The following KBTBD8 variants were observed in gnomAD, a reference collection of about 807,000 sequenced individuals.
KBTBD8 encodes kelch repeat and BTB domain containing 8, also known as kelch repeat and BTB domain-containing protein 8.
A neutral mutation model predicts 53.5 loss-of-function variants in KBTBD8; 31 were observed. The ratio of observed to expected loss-of-function variants is 0.58; its 90% CI spans 0.44 to 0.78. KBTBD8 has a LOEUF of 0.78. Ranked by LOEUF, KBTBD8 falls within the 30% of genes least tolerant of loss-of-function variation. KBTBD8 has a pLI of 0.00. For missense variants in KBTBD8, 642 were observed against 735.8 expected, an observed-to-expected ratio of 0.87 and a Z score of 1.48; for synonymous variants, 250 against 247.3, an observed-to-expected ratio of 1.01 and a Z score of -0.10.
Position 66,998,377 on chromosome 3 carries a change from T to C in KBTBD8, c.16+6T>C. ...AGAAATGGCCGCGTCGGCAGGTGGGTCGTGTGGTGGCCAGGGCGGCGTGGA... is the reference window on the plus strand; with the variant it reads ...AGAAATGGCCGCGTCGGCAGGTGGGCCGTGTGGTGGCCAGGGCGGCGTGGA... On this transcript the variant is annotated splice_donor_region_variant and intron_variant, in intron 1 of 3. Coordinates refer to ENST00000417314, the MANE Select transcript of KBTBD8 (RefSeq NM_032505.3). 1 of 1,279,606 alleles carries C rather than the reference T, an allele frequency of 7.8e-7. No homozygotes were observed. The highest frequency in any genetic ancestry group is 4.2e-5 in the Admixed American group (1 of 23,592). The allele number at this position is 1,279,606 out of a possible 1,614,324, so 79.3% of individuals were successfully genotyped here.
rs753012158 is a variant in KBTBD8, at chr3:67,008,728, C to T, written c.*343C>T. On this transcript the variant is annotated 3_prime_UTR_variant, in exon 4 of 4. Coordinates refer to ENST00000417314, the MANE Select transcript of KBTBD8 (RefSeq NM_032505.3). ...CATTTAGGGTATTATTGGGTAAAGACGTCTAAACTTGTTTGATGTGACTTT... is the reference window on the plus strand; with the variant it reads ...CATTTAGGGTATTATTGGGTAAAGATGTCTAAACTTGTTTGATGTGACTTT... 13 of 205,680 alleles carry T rather than the reference C, an allele frequency of 6.3e-5. No homozygotes were observed. Among genetic ancestry groups the T allele is most frequent in the Admixed American group, 3.1e-4 (6 of 19,416 alleles). 12.7% of individuals were successfully genotyped at this position (205,680 alleles called of 1,614,324 possible).
At chr3:67,006,654 T>TA (rs770389333) in intron 3 of KBTBD8, among the ~76,000 whole-genome samples, 1 of 152,212 alleles carries the variant, frequency 6.6e-6, no homozygotes, top group East Asian at 1.9e-4. Flanking sequence ...GCATCACTGT[T>TA]ACGAAGTACG....
rs900861218 is a variant in KBTBD8, at chr3:66,998,867, G to A, written c.17-114G>A. ...GTCGTGCGTATATCCACAGACATTT[G>A]TATATATCTTGTAGGGGGAAAAAGC... On this transcript the variant is annotated intron_variant, in intron 1 of 3. Transcript: ENST00000417314. 8 of 797,930 alleles carry A rather than the reference G, an allele frequency of 1.0e-5. No individual in the cohort carries two copies. The African/African-American group carries it at 1.0e-4, about 10-fold the overall frequency. 49.4% of individuals were successfully genotyped at this position (797,930 alleles called of 1,614,324 possible). A position where few individuals can be genotyped will look rare whatever the true frequency, so the allele number is the denominator to read the frequency against.
chr3:67,007,905 C>CTTTT lies in KBTBD8; in HGVS notation c.1343-6_1343-3dup. Reference sequence around the variant, plus strand: ...ATAAAAATTTACATATTCTTGTTTTCTTTTTTTTTTTTTTAGGAGAATTTT... The same window carrying CTTTT: ...ATAAAAATTTACATATTCTTGTTTTCTTTTTTTTTTTTTTTTTTAGGAGAATTTT... On this transcript the variant is annotated splice_polypyrimidine_tract_variant and intron_variant, in intron 3 of 3. Coordinates refer to ENST00000417314, the MANE Select transcript of KBTBD8 (RefSeq NM_032505.3). 3 of 1,161,950 alleles carry CTTTT rather than the reference C, an allele frequency of 2.6e-6. No individual in the cohort carries two copies. Among genetic ancestry groups the CTTTT allele is most frequent in the South Asian group, 1.7e-5 (1 of 57,174 alleles). 72.0% of individuals were successfully genotyped at this position (1,161,950 alleles called of 1,614,324 possible).
At position 67,007,905 on chromosome 3, in the gene KBTBD8, CTT is replaced by C. The variant is rs548255775; in HGVS notation, c.1343-4_1343-3del. 7,054 of 1,133,660 alleles carry C rather than the reference CTT, an allele frequency of 6.2e-3. No homozygotes were observed. The highest frequency in any genetic ancestry group is 0.01 in the South Asian group (574 of 55,696). The allele number at this position is 1,133,660 out of a possible 1,614,324, so 70.2% of individuals were successfully genotyped here. On this transcript the variant is annotated splice_polypyrimidine_tract_variant and intron_variant, in intron 3 of 3. Transcript: ENST00000417314. ...ATAAAAATTTACATATTCTTGTTTT[CTT>C]TTTTTTTTTTTTAGGAGAATTTTTT... is the stretch of plus-strand genomic sequence containing the variant.
At position 67,003,616 on chromosome 3, in the gene KBTBD8, A is replaced by G; in HGVS notation, c.649A>G (p.Ile217Val). The G allele has an allele frequency of 3.1e-6, 5 of 1,614,142 alleles. No individual in the cohort carries two copies. Among genetic ancestry groups the G allele is most frequent in the South Asian group, 1.1e-5 (1 of 91,084 alleles). ...CCGAGAAGAGCATGTTTATGAAAGCATTATAAGGTGGTTTGAGCATGAACA... is the reference window on the plus strand; with the variant it reads ...CCGAGAAGAGCATGTTTATGAAAGCGTTATAAGGTGGTTTGAGCATGAACA... ...VDREEHVYES[I>V]IRWFEHEQNE... The change falls in exon 3 of 4, where the codon ATT (isoleucine) becomes GTT (valine). Residue 217 changes from isoleucine to valine, a missense_variant. Coordinates refer to ENST00000417314, the MANE Select transcript of KBTBD8 (RefSeq NM_032505.3).
At position 67,008,436 on chromosome 3, in the gene KBTBD8, GTCTTT is replaced by G. The variant is rs764209320; in HGVS notation, c.*52_*56del. The stretch of plus-strand genomic sequence containing the variant: ...CTGGCATCTCATTCTTAGGAAACTT[GTCTTT>G]GATACAAAAGAGTGCTGACAGTATT... On this transcript the variant is annotated 3_prime_UTR_variant, in exon 4 of 4. Coordinates refer to ENST00000417314, the MANE Select transcript of KBTBD8 (RefSeq NM_032505.3). The G allele has an allele frequency of 3.1e-6, 4 of 1,283,720 alleles. No homozygotes were observed. In the South Asian group the frequency reaches 5.4e-5, roughly 17 times the overall value. 79.5% of individuals were successfully genotyped at this position (1,283,720 alleles called of 1,614,324 possible).
chr3:67,007,919 T>A lies in KBTBD8; in HGVS notation c.1343-3T>A, dbSNP rs1283499570. 9.6e-6 allele frequency: 14 copies of A among 1,457,458 alleles called. No individual in the cohort carries two copies. Among genetic ancestry groups the A allele is most frequent in the South Asian group, 1.4e-5 (1 of 72,526 alleles). 90.3% of individuals were successfully genotyped at this position (1,457,458 alleles called of 1,614,324 possible). On this transcript the variant is annotated splice_region_variant and splice_polypyrimidine_tract_variant and intron_variant, in intron 3 of 3. Coordinates refer to ENST00000417314, the MANE Select transcript of KBTBD8 (RefSeq NM_032505.3). ...ATTCTTGTTTTCTTTTTTTTTTTTT[T>A]AGGAGAATTTTTTCTCTTCTATGAG...
chr3:67,003,542 C>T lies in KBTBD8; in HGVS notation c.575C>T (p.Thr192Ile). 1 of 1,613,964 alleles carries T rather than the reference C, an allele frequency of 6.2e-7. No individual in the cohort carries two copies. The highest frequency in any genetic ancestry group is 8.5e-7 in the Non-Finnish European group (1 of 1,179,922). Residue 192 changes from threonine (T) to isoleucine (I), a missense_variant, in exon 3 of 4, where the codon ACA becomes ATA. Thr to Ile is a moderately conservative substitution (Grantham distance 89). Coordinates refer to ENST00000417314, the MANE Select transcript of KBTBD8 (RefSeq NM_032505.3). The stretch of plus-strand genomic sequence containing the variant: ...AAAGAACAAGAGTTTCTCCAGTTGA[C>T]AAAAGACCAACTGATAAGTATACTA... Reference protein sequence around the residue: ...VTKEQEFLQLTKDQLISILDS... With the variant: ...VTKEQEFLQLIKDQLISILDS...
Position 66,998,370 on chromosome 3 carries a change from A to G in KBTBD8, c.15A>G (p.Ala5=). 1.8e-6 allele frequency: 2 copies of G among 1,118,320 alleles called. No individual in the cohort carries two copies. The highest frequency in any genetic ancestry group is 2.2e-6 in the Non-Finnish European group (2 of 901,008). 69.3% of individuals were successfully genotyped at this position (1,118,320 alleles called of 1,614,324 possible). ...CCCATCGAGAAATGGCCGCGTCGGC[A>G]GGTGGGTCGTGTGGTGGCCAGGGCG... is the stretch of plus-strand genomic sequence containing the variant. MAAS[A]DLSKSSPTPN... is the part of the protein sequence containing the mutation. Residue 5 remains alanine (A), a splice_region_variant and synonymous_variant, in exon 1 of 4, where the codon GCA becomes GCG. Transcript: ENST00000417314.
intron 3 of KBTBD8, among the ~76,000 whole-genome samples, chr3:67,006,366 A>G (rs1016387913): frequency 3.9e-5 from 6 of 152,234 alleles, no homozygotes; most frequent in African/African-American, 1.4e-4. Flanking sequence ...GTTATATTTT[A>G]TATAAGAGGA....
chr3:66,998,884 G>C (rs1701988659), intron 1 of KBTBD8, 97 bp from the exon 2 acceptor site: 1 of 915,732 alleles, frequency 1.1e-6, no homozygotes, highest in South Asian at 1.5e-5. Flanking sequence ...TCTTGTAGGG[G>C]GAAAAAGCCT....
In KBTBD8 at chr3:67,003,133, T is replaced by A. The variant is rs527798696; in HGVS notation, c.228-62T>A. On this transcript the variant is annotated intron_variant, in intron 2 of 3. Coordinates refer to ENST00000417314, the MANE Select transcript of KBTBD8 (RefSeq NM_032505.3). ...TTGTGGTAACTTTGTACTTTTAAAA[T>A]CTTGCCACAATAATTTTGATTTATA... 4.4e-5 allele frequency: 66 copies of A among 1,494,768 alleles called. No homozygotes were observed. The African/African-American group carries it at 7.8e-4, about 18-fold the overall frequency. 92.6% of individuals were successfully genotyped at this position (1,494,768 alleles called of 1,614,324 possible).
rs964393388 is a variant in KBTBD8, at chr3:67,009,548, T to G, written c.*1163T>G. The G allele has an allele frequency of 3.9e-5, 6 of 152,598 alleles. No individual in the cohort carries two copies. Among genetic ancestry groups the G allele is most frequent in the Non-Finnish European group, 5.9e-5 (4 of 68,000 alleles). 9.5% of individuals were successfully genotyped at this position (152,598 alleles called of 1,614,324 possible). ...AAACCTCATTTTTTTTTTCCATTTT[T>G]GCACTTAACAGTGATGAATACTTTT... is the stretch of plus-strand genomic sequence containing the variant. On this transcript the variant is annotated 3_prime_UTR_variant, in exon 4 of 4. Transcript: ENST00000417314.
chr3:67,002,062 C>A (rs1437277418), intron 2 of KBTBD8, among the ~76,000 whole-genome samples: 2 of 152,112 alleles, frequency 1.3e-5, no homozygotes, highest in African/African-American at 2.4e-5. Context: ...ATAGAAAAAA[C>A]CAACTTGGTC....
At chr3:66,998,655 T>A (rs1024164112) in intron 1 of KBTBD8, among the ~76,000 whole-genome samples, 1 of 151,966 alleles carries the variant, frequency 6.6e-6, no homozygotes, top group Admixed American at 6.5e-5. Context: ...GCTTCCCTCG[T>A]GAGGCTCTGC....
intron 3 of KBTBD8, among the ~76,000 whole-genome samples, chr3:67,007,228 G>A (rs1702070288): frequency 6.6e-6 from 1 of 151,910 alleles, no homozygotes; most frequent in African/African-American, 2.4e-5. Flanking sequence ...CTTACTGGCT[G>A]AACGTTACTA....
Position 67,003,500 on chromosome 3 carries a change from A to G in KBTBD8, c.533A>G (p.Lys178Arg). The change falls in exon 3 of 4, where the codon AAG becomes AGG. Residue 178 changes from lysine (K) to arginine (R), a missense_variant. Lys to Arg is a conservative substitution (Grantham distance 26, BLOSUM62 2). Transcript: ENST00000417314. The part of the protein sequence containing the change: ...GDRSKEYIRK[K>R]FLCVTKEQEF... ...CGATCAAAAGAATACATTCGTAAAA[A>G]GTTTCTGTGTGTCACCAAAGAACAA... 6.2e-7 allele frequency: 1 copy of G among 1,614,134 alleles called. No homozygotes were observed. Among genetic ancestry groups the G allele is most frequent in the East Asian group, 2.2e-5 (1 of 44,876 alleles).
chr3:67,006,551 C>T (rs1049465130), intron 3 of KBTBD8, among the ~76,000 whole-genome samples: 1 of 152,124 alleles, frequency 6.6e-6, no homozygotes, highest in Non-Finnish European at 1.5e-5. Context: ...CCTTATTTAT[C>T]GAGAATCCTG....
Sources: gnomAD v4.1 joint callset for allele counts (sites outside exome capture counted in the v4.1 genomes callset) on GRCh38, gnomAD v4.1.1 for gene constraint, MANE v1.5 for transcripts, NCBI Gene and HGNC (gene_info 2026-07-23, HGNC 2026-07-21) for gene names.